The following GCSH variants were observed in gnomAD, a reference collection of about 807,000 sequenced individuals.
GCSH encodes glycine cleavage system H protein, mitochondrial.
Under a neutral mutation model 21.3 loss-of-function variants are expected in GCSH, and 15 were observed. The observed-to-expected ratio is 0.70, with a 90% CI of 0.47 to 1.08. The LOEUF is 1.08. Among genes scored for constraint, GCSH ranks in the 50% least tolerant of loss-of-function variants. GCSH has a pLI of 0.00. For missense variants in GCSH, 179 were observed against 217.5 expected (o/e 0.82, Z 1.11); for synonymous variants, 59 against 84.5 (o/e 0.70, Z 1.66).
intron 1 of GCSH, among the ~76,000 whole-genome samples, chr16:81,093,299 A>G (rs1042539607): frequency 6.6e-5 from 10 of 152,134 alleles, no homozygotes; most frequent in African/African-American, 2.4e-4. Context: ...CACCTTTTCA[A>G]AGTAAGCACT....
At chr16:81,091,070 GGCA>G (rs1444969121) in intron 1 of GCSH, 4 of 455,964 alleles carry the variant, frequency 8.8e-6, no homozygotes, top group Non-Finnish European at 1.7e-5. Context: ...GGTTTAGGGA[GGCA>G]GCATAAAGAT....
chr16:81,084,804 AG>A (rs1213639438), intron 3 of GCSH, among the ~76,000 whole-genome samples: 1 of 150,382 alleles, frequency 6.6e-6, no homozygotes, highest in Non-Finnish European at 1.5e-5. Flanking sequence ...CCACCTCCCA[AG>A]GGTTCATGCC....
rs1444052720 is a variant in GCSH, at chr16:81,096,144, G to C, written c.135C>G (p.Pro45=). Residue 45 remains proline (P), a synonymous_variant, in exon 1 of 5, where the codon CCC becomes CCG. Transcript: ENST00000315467. ...VGAVRTLRTG[P]ALLSVRKFTE... is the part of the protein sequence containing the mutation. ...CGCCGCGCTTACCCGAGAGCAGAGC[G>C]GGTCCAGTGCGCAGCGTACGGACGG... The C allele has an allele frequency of 3.1e-6, 4 of 1,289,702 alleles. No homozygotes were observed. The highest frequency in any genetic ancestry group is 6.2e-5 in the East Asian group (2 of 32,028). The allele number at this position is 1,289,702 out of a possible 1,614,324, so 79.9% of individuals were successfully genotyped here. A position where few individuals can be genotyped will look rare whatever the true frequency, so the allele number is the denominator to read the frequency against.
chr16:81,091,303 A>G (rs8177869), intron 1 of GCSH: 6,319 of 343,522 alleles, frequency 0.018, 261 homozygotes, highest in African/African-American at 0.11. Context: ...TAGCACTACC[A>G]TCGCTTAAAG....
chr16:81,084,362 T>C (rs754224919), intron 4 of GCSH, 101 bp downstream of exon 4: 4 of 885,750 alleles, frequency 4.5e-6, no homozygotes, highest in Non-Finnish European at 7.6e-6. Flanking sequence ...TACCAAGAAG[T>C]AGAAAAAGAT....
At chr16:81,095,644 C>T (rs966817278) in intron 1 of GCSH, among the ~76,000 whole-genome samples, 16 of 19,590 alleles carry the variant, frequency 8.2e-4, no homozygotes, top group Non-Finnish European at 2.5e-3. Context: ...CATGAGCCAA[C>T]GCGCCCTGCC....
intron 3 of GCSH, among the ~76,000 whole-genome samples, chr16:81,086,435 T>A (rs1357605519): frequency 1.3e-5 from 2 of 151,996 alleles, no homozygotes; most frequent in Non-Finnish European, 2.9e-5. Context: ...TGCATGCCTG[T>A]ACTCCCAGCT....
At chr16:81,086,342 G>A (rs1972278256) in intron 3 of GCSH, among the ~76,000 whole-genome samples, 1 of 151,942 alleles carries the variant, frequency 6.6e-6, no homozygotes, top group African/African-American at 2.4e-5. Context: ...AGACCAGCCT[G>A]GCCAACATGG....
At chr16:81,094,380 CTT>C (rs1972458325) in intron 1 of GCSH, among the ~76,000 whole-genome samples, 1 of 150,284 alleles carries the variant, frequency 6.7e-6, no homozygotes, top group South Asian at 2.1e-4. Context: ...GAGGTGTGCT[CTT>C]GTCGTCCAGC....
intron 1 of GCSH, among the ~76,000 whole-genome samples, chr16:81,094,010 G>A (rs940909907): frequency 1.3e-5 from 2 of 151,680 alleles, no homozygotes; most frequent in Admixed American, 6.6e-5. Flanking sequence ...CAAGTGATTC[G>A]GCCTCATCCT....
intron 2 of GCSH, among the ~76,000 whole-genome samples, chr16:81,089,647 G>T (rs1033101710): frequency 1.4e-5 from 2 of 141,982 alleles, no homozygotes; most frequent in East Asian, 4.0e-4. Flanking sequence ...TAAGTGACAC[G>T]AGTGCATTCC....
intron 3 of GCSH, among the ~76,000 whole-genome samples, chr16:81,085,015 C>CT (rs34324394): frequency 0.84 from 89,884 of 106,702 alleles, 39,250 homozygotes; most frequent in Non-Finnish European, 0.89. Flanking sequence ...GCACCTGGCT[C>CT]TTTTTTTTTT....
At chr16:81,089,540 T>C (rs1283636420) in intron 2 of GCSH, among the ~76,000 whole-genome samples, 1 of 152,002 alleles carries the variant, frequency 6.6e-6, no homozygotes, top group Non-Finnish European at 1.5e-5. Context: ...AGGTGTGTAA[T>C]AGGCTGTACC....
chr16:81,093,815 A>C (rs1470351932), intron 1 of GCSH, among the ~76,000 whole-genome samples: 1 of 152,130 alleles, frequency 6.6e-6, no homozygotes, highest in Middle Eastern at 3.2e-3. Flanking sequence ...TATTTTACTA[A>C]GCATGCTGTT....
At position 81,096,077 on chromosome 16, in the gene GCSH, G is replaced by C. The variant is rs959090481; in HGVS notation, c.148+54C>G. The C allele has an allele frequency of 3.3e-6, 4 of 1,225,492 alleles. No individual in the cohort carries two copies. The African/African-American group carries it at 6.3e-5, about 19-fold the overall frequency. The allele number at this position is 1,225,492 out of a possible 1,614,324, so 75.9% of individuals were successfully genotyped here. A position where few individuals can be genotyped will look rare whatever the true frequency, so the allele number is the denominator to read the frequency against. On this transcript the variant is annotated intron_variant, in intron 1 of 4. Coordinates refer to ENST00000315467, the MANE Select transcript of GCSH (RefSeq NM_004483.5). ...GTCCTCCGTGTCCCGCTGGGCCCGG[G>C]ACAAGCAGCCCAGGCGGGGAGGGAG...
At chr16:81,087,154 C>G (rs76268431) in intron 3 of GCSH, among the ~76,000 whole-genome samples, 1,683 of 152,088 alleles carry the variant, frequency 0.011, 40 homozygotes, top group African/African-American at 0.038. Flanking sequence ...CAACCTCCGC[C>G]TCCCAAGTTC....
Position 81,090,611 on chromosome 16 carries a change from T to C in GCSH, c.218A>G (p.Asn73Ser), listed in dbSNP as rs8177877. Residue 73 changes from asparagine to serine, a missense_variant, in exon 2 of 5, where the codon AAT becomes AGT. By Grantham distance (46) the Asn-to-Ser change is conservative. Transcript: ENST00000315467. ...ENGIGTVGIS[N>S]FAQEALGDVV... ...AATATAATCCAATACCTGTGCAAAA[T>C]TGCTGATTCCCACTGTTCCAATGCC... 13,011 of 1,600,706 alleles carry C rather than the reference T, an allele frequency of 8.1e-3. 513 individuals carry two copies. The African/African-American group carries it at 0.11, about 14-fold the overall frequency.
chr16:81,092,798 A>G (rs960368062), intron 1 of GCSH, among the ~76,000 whole-genome samples: 2 of 151,612 alleles, frequency 1.3e-5, no homozygotes, highest in African/African-American at 2.4e-5. Flanking sequence ...TGTAATCTCA[A>G]CACTTTGGGA....
At chr16:81,091,262 C>G in intron 1 of GCSH, 1 of 360,122 alleles carries the variant, frequency 2.8e-6, no homozygotes, top group Non-Finnish European at 5.3e-6. Flanking sequence ...TAAAATTCTA[C>G]TTTAATCAAA....
Sources: gnomAD v4.1 joint callset for allele counts (sites outside exome capture counted in the v4.1 genomes callset) on GRCh38, gnomAD v4.1.1 for gene constraint, MANE v1.5 for transcripts, NCBI Gene and HGNC (gene_info 2026-07-23, HGNC 2026-07-21) for gene names.